Variants in ZNF536 observed in about 807,000 individuals in gnomAD.
ZNF536 encodes the protein zinc finger protein 536.
Under a neutral mutation model 84.5 loss-of-function variants are expected in ZNF536, and 13 were observed. That is an observed-to-expected ratio of 0.15 (90% CI 0.10 to 0.24). The LOEUF (loss-of-function observed/expected upper bound fraction) is 0.24, where lower values mean the gene tolerates loss of function less well. Ranked by LOEUF, ZNF536 falls within the 10% of genes least tolerant of loss-of-function variation. The pLI, the probability that ZNF536 is intolerant of heterozygous loss-of-function variation, is 1.00. For synonymous variants in ZNF536, 811 were observed against 742.5 expected (o/e 1.09, Z -1.50); for missense variants, 1,536 against 1,747.5 (o/e 0.88, Z 2.16).
intron 1 of ZNF536, among the ~76,000 whole-genome samples, chr19:30,407,542 C>G (rs1272030629): frequency 6.6e-6 from 1 of 152,206 alleles, no homozygotes; most frequent in Non-Finnish European, 1.5e-5. Flanking sequence ...CAGTCACAAG[C>G]CGGGGCCTCA....
intron 1 of ZNF536, among the ~76,000 whole-genome samples, chr19:30,646,191 CT>C (rs1465324276): frequency 6.6e-6 from 1 of 152,174 alleles, no homozygotes; most frequent in African/African-American, 2.4e-5. Context: ...TCTTTCATCC[CT>C]GTGGCATCTA....
intron 3 of ZNF536, among the ~76,000 whole-genome samples, chr19:30,358,075 G>C (rs2048156102): frequency 6.6e-6 from 1 of 152,078 alleles, no homozygotes; most frequent in Non-Finnish European, 1.5e-5. Flanking sequence ...AAGAGTCTTG[G>C]TGCTTATAGT....
chr19:30,441,557 G>A (rs375947237), intron 1 of ZNF536, among the ~76,000 whole-genome samples: 2 of 152,188 alleles, frequency 1.3e-5, no homozygotes, highest in African/African-American at 2.4e-5. Flanking sequence ...GAAGGATCTC[G>A]GTAAGTCTGT....
chr19:30,367,083 C>T (rs922621330), intron 3 of ZNF536, among the ~76,000 whole-genome samples: 34 of 152,208 alleles, frequency 2.2e-4, no homozygotes, highest in African/African-American at 8.2e-4. Context: ...GTTTCAACTT[C>T]GACAAGGGTC....
At chr19:30,312,780 C>T (rs1037472508) in intron 2 of ZNF536, among the ~76,000 whole-genome samples, 5 of 152,146 alleles carry the variant, frequency 3.3e-5, no homozygotes, top group African/African-American at 4.8e-5. Context: ...GACTGTGCCT[C>T]GGGCGGCCTA....
rs1418206015 is a variant in ZNF536 at position 30,491,577 on chromosome 19, A to G, written c.2171-43270A>G. On this transcript the variant is annotated intron_variant, in intron 2 of 4. Coordinates refer to ENST00000355537, the MANE Select transcript of ZNF536 (RefSeq NM_014717.3). ...CCTGCCCTCCCCTCCCGGCAGTCCT[A>G]AGGCAAACAGTTTGTCTTTTCCCTC... is the stretch of plus-strand genomic sequence containing the variant. Among the ~76,000 whole-genome samples the G allele has an allele frequency of 3.9e-5, 6 of 152,176 alleles. No homozygotes were observed. The East Asian group carries it at 7.7e-4, about 20-fold the overall frequency.
chr19:30,434,592 T>C (rs2051625059), intron 1 of ZNF536, among the ~76,000 whole-genome samples: 1 of 152,224 alleles, frequency 6.6e-6, no homozygotes, highest in African/African-American at 2.4e-5. Context: ...ATAGCACCAA[T>C]CATCTAAGAT....
chr19:30,324,181 A>C (rs1395436738), intron 2 of ZNF536, among the ~76,000 whole-genome samples: 1 of 151,322 alleles, frequency 6.6e-6, no homozygotes, highest in Non-Finnish European at 1.5e-5. Context: ...ATCATCATCC[A>C]TTATCTATTC....
chr19:30,303,277 T>C (rs1468782739), intron 2 of ZNF536, among the ~76,000 whole-genome samples: 1 of 152,158 alleles, frequency 6.6e-6, no homozygotes, highest in Non-Finnish European at 1.5e-5. Flanking sequence ...GCGCCTTCCT[T>C]GTCACCCCAC....
intron 1 of ZNF536, among the ~76,000 whole-genome samples, chr19:30,595,212 A>G (rs2047418034): frequency 6.6e-6 from 1 of 152,168 alleles, no homozygotes; most frequent in Non-Finnish European, 1.5e-5. Flanking sequence ...TGTGGAGCTC[A>G]GGGGTTGGCC....
At chr19:30,619,076 T>G (rs2048394562) in intron 1 of ZNF536, among the ~76,000 whole-genome samples, 1 of 152,198 alleles carries the variant, frequency 6.6e-6, no homozygotes, top group South Asian at 2.1e-4. Context: ...TGAAATAATG[T>G]ACATTGTACC....
intron 1 of ZNF536, among the ~76,000 whole-genome samples, chr19:30,580,651 C>T (rs1012182802): frequency 2.6e-5 from 4 of 152,174 alleles, no homozygotes; most frequent in Admixed American, 6.5e-5. Flanking sequence ...CTGGCCCAGA[C>T]GTCATCTAAG....
intron 1 of ZNF536, among the ~76,000 whole-genome samples, chr19:30,699,567 G>T (rs55798007): frequency 2.0e-5 from 3 of 151,942 alleles, no homozygotes; most frequent in South Asian, 4.1e-4. Flanking sequence ...CATAAATTAC[G>T]TACCTGATTG....
intron 1 of ZNF536, among the ~76,000 whole-genome samples, chr19:30,695,635 T>A (rs1026633485): frequency 6.6e-6 from 1 of 151,332 alleles, no homozygotes; most frequent in Non-Finnish European, 1.5e-5. Context: ...GTTAAGGAGG[T>A]GAGATACTGC....
intron 1 of ZNF536, among the ~76,000 whole-genome samples, chr19:30,240,440 A>T (rs916092772): frequency 6.6e-6 from 1 of 151,542 alleles, no homozygotes; most frequent in Non-Finnish European, 1.5e-5. Context: ...CCCCAAGGGG[A>T]CTGTATCTCT....
intron 2 of ZNF536, among the ~76,000 whole-genome samples, chr19:30,343,403 T>G (rs2047628189): frequency 6.6e-6 from 1 of 152,202 alleles, no homozygotes. Flanking sequence ...CTTCATAATA[T>G]GTATCACAAG....
At chr19:30,698,544 C>A (rs1298999782) in intron 1 of ZNF536, among the ~76,000 whole-genome samples, 1 of 152,210 alleles carries the variant, frequency 6.6e-6, no homozygotes, top group African/African-American at 2.4e-5. Flanking sequence ...CTGGCTGCAA[C>A]AGTTTCTCAC....
At chr19:30,423,008 TCCTCCCAC>T (rs2051040315) in intron 1 of ZNF536, among the ~76,000 whole-genome samples, 1 of 107,516 alleles carries the variant, frequency 9.3e-6, no homozygotes, top group African/African-American at 3.9e-5. Context: ...CATCCATCCA[TCCTCCCAC>T]CCACCCATCC....
chr19:30,383,778 T>TTCTC (rs1360725960), intron 1 of ZNF536, among the ~76,000 whole-genome samples: 1 of 80,412 alleles, frequency 1.2e-5, no homozygotes, highest in Non-Finnish European at 3.5e-5. Flanking sequence ...TTTCTTTTCT[T>TTCTC]TCTTTCTTTC....
Sources: gnomAD v4.1 joint callset for allele counts (sites outside exome capture counted in the v4.1 genomes callset) on GRCh38, gnomAD v4.1.1 for gene constraint, MANE v1.5 for transcripts, NCBI Gene and HGNC (gene_info 2026-07-23, HGNC 2026-07-21) for gene names.